OR3A2: variants seen among roughly 807,000 people sequenced by gnomAD.
OR3A2 encodes olfactory receptor 3A2.
For missense variants in OR3A2, 318 were observed against 392.8 expected (o/e 0.81, Z 1.61); for synonymous variants, 126 against 159.3 (o/e 0.79, Z 1.57).
intron 3 of OR3A2, among the ~76,000 whole-genome samples, chr17:3,299,652 T>C (rs1597326322): frequency 6.6e-6 from 1 of 152,242 alleles, no homozygotes; most frequent in East Asian, 1.9e-4. Flanking sequence ...ACCTTGCATT[T>C]CCTTTGCTGC....
At chr17:3,301,091 C>T (rs2048961904) in intron 3 of OR3A2, among the ~76,000 whole-genome samples, 1 of 152,240 alleles carries the variant, frequency 6.6e-6, no homozygotes, top group Admixed American at 6.5e-5. Context: ...CAGTCTATCA[C>T]TGATGGACAT....
chr17:3,364,848 C>T (rs1160808570), intron 2 of OR3A2, among the ~76,000 whole-genome samples: 1 of 151,940 alleles, frequency 6.6e-6, no homozygotes, highest in African/African-American at 2.4e-5. Flanking sequence ...ACTAAAGTGC[C>T]CATCAGTGGG....
chr17:3,346,553 A>C (rs2049365090), intron 2 of OR3A2, among the ~76,000 whole-genome samples: 1 of 152,274 alleles, frequency 6.6e-6, no homozygotes, highest in South Asian at 2.1e-4. Flanking sequence ...TAGCAATTAT[A>C]CTATTTCAGT....
At chr17:3,303,463 C>G (rs2048979435) in intron 3 of OR3A2, among the ~76,000 whole-genome samples, 1 of 152,010 alleles carries the variant, frequency 6.6e-6, no homozygotes, top group South Asian at 2.1e-4. Flanking sequence ...ACAACCAGGC[C>G]AGGCATAGTG....
At chr17:3,331,507 C>T (rs1267601329) in intron 3 of OR3A2, among the ~76,000 whole-genome samples, 1 of 150,614 alleles carries the variant, frequency 6.6e-6, no homozygotes, top group African/African-American at 2.5e-5. Flanking sequence ...TTGATCGCAT[C>T]GGCTCCTGAG....
chr17:3,291,320 CAA>C lies in OR3A2; in HGVS notation c.-84-12169_-84-12168del, dbSNP rs71825642. The stretch of plus-strand genomic sequence containing the variant: ...TCTGGCAACTAAGGCTGTAACCAAC[CAA>C]AGAGTCATTCCTTCTGGAACATGAA... On this transcript the variant is annotated intron_variant, in intron 3 of 4. Coordinates refer to the OR3A2 transcript ENST00000573491. 8.3e-3 allele frequency: 2,145 copies of C among 257,710 alleles called. 34 individuals carry two copies. The highest frequency in any genetic ancestry group is 0.043 in the African/African-American group (1,929 of 45,220). The allele number at this position is 257,710 out of a possible 1,614,324, so 16.0% of individuals were successfully genotyped here. A position where few individuals can be genotyped will look rare whatever the true frequency, so the allele number is the denominator to read the frequency against.
intron 3 of OR3A2, among the ~76,000 whole-genome samples, chr17:3,295,754 C>A (rs962795336): frequency 1.3e-5 from 2 of 151,174 alleles, no homozygotes; most frequent in African/African-American, 2.4e-5. Flanking sequence ...CAGATGTAAA[C>A]GAAAATAAAG....
chr17:3,348,034 A>G (rs1291130684), intron 2 of OR3A2, among the ~76,000 whole-genome samples: 2 of 152,094 alleles, frequency 1.3e-5, no homozygotes, highest in Non-Finnish European at 2.9e-5. Context: ...TTGGCTGCAT[A>G]AATGTCTTCT....
At chr17:3,281,638 G>T (rs2048777574) in intron 1 of OR3A2, among the ~76,000 whole-genome samples, 1 of 114,620 alleles carries the variant, frequency 8.7e-6, no homozygotes, top group African/African-American at 3.7e-5. Flanking sequence ...CTCAAATTAA[G>T]AGTTTTGTTT....
intron 3 of OR3A2, among the ~76,000 whole-genome samples, chr17:3,335,094 C>T (rs1213795671): frequency 6.6e-6 from 1 of 152,096 alleles, no homozygotes; most frequent in Non-Finnish European, 1.5e-5. Flanking sequence ...TATCTCTTAT[C>T]TGTTAAATAT....
intron 3 of OR3A2, among the ~76,000 whole-genome samples, chr17:3,332,474 C>A (rs1410569888): frequency 6.6e-6 from 1 of 152,232 alleles, no homozygotes; most frequent in Non-Finnish European, 1.5e-5. Flanking sequence ...CCAGGTGCGT[C>A]CGTCACCCCT....
intron 3 of OR3A2, among the ~76,000 whole-genome samples, chr17:3,330,376 C>A (rs1307212200): frequency 6.7e-6 from 1 of 150,028 alleles, no homozygotes; most frequent in East Asian, 1.9e-4. Flanking sequence ...TCAGGACTTG[C>A]TTTATGAATC....
intron 3 of OR3A2, among the ~76,000 whole-genome samples, chr17:3,325,045 A>G (rs1399806729): frequency 6.6e-6 from 1 of 151,454 alleles, no homozygotes; most frequent in East Asian, 1.9e-4. Flanking sequence ...CCCCATCTCA[A>G]GTTCATATTG....
At chr17:3,371,608 G>A (rs1180132204) in intron 2 of OR3A2, among the ~76,000 whole-genome samples, 19 of 134,712 alleles carry the variant, frequency 1.4e-4, no homozygotes, top group Non-Finnish European at 1.8e-4. Context: ...GTGGCTGGCC[G>A]GGCAGAGGGG....
chr17:3,349,869 T>G (rs1597353624), intron 2 of OR3A2, among the ~76,000 whole-genome samples: 1 of 152,068 alleles, frequency 6.6e-6, no homozygotes, highest in East Asian at 1.9e-4. Flanking sequence ...GAACTCATGA[T>G]TAAGAATCTC....
At chr17:3,319,194 T>A (rs2049099754) in intron 3 of OR3A2, among the ~76,000 whole-genome samples, 1 of 152,186 alleles carries the variant, frequency 6.6e-6, no homozygotes, top group Non-Finnish European at 1.5e-5. Context: ...GCAAGGACAA[T>A]CTATATGAAT....
rs184597579 is a variant in OR3A2 at position 3,283,747 on chromosome 17, C to T, written c.-7+611G>A. On this transcript the variant is annotated intron_variant, in intron 1 of 1. Coordinates refer to ENST00000642052, the Ensembl canonical transcript of OR3A2. ...TGGACCAGTCCACATCTTCTTTTTA[C>T]TTAAACCTCCCAAAACAATACGGCC... Among the ~76,000 whole-genome samples, 45 of 152,170 alleles carry T rather than the reference C, an allele frequency of 3.0e-4. No individual in the cohort carries two copies. In the East Asian group the frequency reaches 7.1e-3, roughly 24 times the overall value.
intron 3 of OR3A2, among the ~76,000 whole-genome samples, chr17:3,314,737 G>A (rs907470106): frequency 7.9e-5 from 12 of 152,164 alleles, no homozygotes; most frequent in African/African-American, 2.9e-4. Context: ...TGTATGTGCA[G>A]ATTTGTTACT....
intron 3 of OR3A2, among the ~76,000 whole-genome samples, chr17:3,294,057 C>T (rs1274726688): frequency 1.3e-5 from 2 of 151,936 alleles, no homozygotes; most frequent in East Asian, 1.9e-4. Flanking sequence ...CACCATGGCA[C>T]ATGTTTACCT....
Sources: allele counts gnomAD v4.1 joint callset (sites outside exome capture counted in the v4.1 genomes callset), GRCh38; gene constraint gnomAD v4.1.1; transcripts MANE v1.5; gene names NCBI Gene and HGNC (gene_info 2026-07-23, HGNC 2026-07-21).